The following SDCCAG8 variants were observed in gnomAD, a reference collection of about 807,000 sequenced individuals.
SDCCAG8 encodes SHH signaling and ciliogenesis regulator SDCCAG8.
Under a neutral mutation model 101.8 loss-of-function variants are expected in SDCCAG8, and 74 were observed. The observed-to-expected ratio is 0.73, with a 90% CI of 0.60 to 0.88. SDCCAG8 has a LOEUF of 0.88. SDCCAG8 is among the 40% of genes least tolerant of loss of function. SDCCAG8 has a pLI of 0.00. For synonymous variants in SDCCAG8, 281 were observed against 292.9 expected (o/e 0.96, Z 0.41); for missense variants, 787 against 822.6 (o/e 0.96, Z 0.53).
chr1:243,418,196 GT>G (rs2080739799), intron 15 of SDCCAG8, 120 bp downstream of exon 15: 2 of 712,048 alleles, frequency 2.8e-6, no homozygotes, highest in Non-Finnish European at 4.9e-6. Flanking sequence ...ATCTGCTGAT[GT>G]TTTCTTTGAA....
chr1:243,326,371 A>T (rs1340812791), intron 9 of SDCCAG8, among the ~76,000 whole-genome samples: 1 of 152,222 alleles, frequency 6.6e-6, no homozygotes, highest in East Asian at 1.9e-4. Context: ...TATCCAAATT[A>T]TTCTGTTTCT....
intron 12 of SDCCAG8, among the ~76,000 whole-genome samples, chr1:243,362,899 G>A (rs1016550944): frequency 2.6e-5 from 4 of 152,162 alleles, no homozygotes; most frequent in African/African-American, 7.2e-5. Context: ...CTCATGGCAC[G>A]CATCTGCTGA....
At chr1:243,482,733 C>T (rs748557656) in intron 16 of SDCCAG8, among the ~76,000 whole-genome samples, 2 of 152,192 alleles carry the variant, frequency 1.3e-5, no homozygotes, top group Non-Finnish European at 2.9e-5. Flanking sequence ...GCTTCCTGCC[C>T]CTGATGGGGC....
chr1:243,263,817 T>G (rs763899412), intron 1 of SDCCAG8, among the ~76,000 whole-genome samples: 54 of 152,192 alleles, frequency 3.5e-4, no homozygotes, highest in Non-Finnish European at 5.6e-4. Context: ...ACAATTGTAA[T>G]TGCCTTTCAC....
chr1:243,358,143 GA>G (rs1467129477), intron 12 of SDCCAG8, among the ~76,000 whole-genome samples: 3 of 151,814 alleles, frequency 2.0e-5, no homozygotes, highest in African/African-American at 7.3e-5. Context: ...ACATTATCAA[GA>G]AAAAAGACAA....
At chr1:243,315,014 T>C (rs540085521) in intron 8 of SDCCAG8, among the ~76,000 whole-genome samples, 11 of 152,254 alleles carry the variant, frequency 7.2e-5, no homozygotes, top group African/African-American at 2.4e-4. Flanking sequence ...CTGGCCTTTT[T>C]TGTTCATTCT....
chr1:243,447,268 A>C (rs993915931), intron 16 of SDCCAG8, among the ~76,000 whole-genome samples: 5 of 150,824 alleles, frequency 3.3e-5, no homozygotes, highest in African/African-American at 7.3e-5. Flanking sequence ...AAAAAAAAAA[A>C]AAAAAAAACC....
chr1:243,315,400 ACTT>A (rs2073146975), intron 8 of SDCCAG8, among the ~76,000 whole-genome samples: 1 of 152,204 alleles, frequency 6.6e-6, no homozygotes, highest in African/African-American at 2.4e-5. Context: ...AAAACAATTT[ACTT>A]CTTTTTTCAT....
At chr1:243,320,515 T>G (rs1451504207) in intron 9 of SDCCAG8, among the ~76,000 whole-genome samples, 1 of 152,124 alleles carries the variant, frequency 6.6e-6, no homozygotes, top group Non-Finnish European at 1.5e-5. Flanking sequence ...TGTCTCCCAG[T>G]ACACTCAGCT....
At chr1:243,379,289 ACTGAT>A (rs750887199) in intron 13 of SDCCAG8, among the ~76,000 whole-genome samples, 19 of 152,214 alleles carry the variant, frequency 1.2e-4, no homozygotes, top group Non-Finnish European at 2.6e-4. Context: ...TTGAAATGGA[ACTGAT>A]ACAAAATAAG....
intron 4 of SDCCAG8, among the ~76,000 whole-genome samples, chr1:243,285,976 G>T (rs1426009191): frequency 6.6e-6 from 1 of 151,920 alleles, no homozygotes; most frequent in Non-Finnish European, 1.5e-5. Context: ...AAATCTCTTG[G>T]ATAACCCTTT....
intron 1 of SDCCAG8, among the ~76,000 whole-genome samples, chr1:243,258,447 C>G (rs1201869847): frequency 6.6e-6 from 1 of 152,174 alleles, no homozygotes; most frequent in Non-Finnish European, 1.5e-5. Flanking sequence ...CTCTGTCATC[C>G]AGGCTGAAAT....
At chr1:243,381,263 C>T (rs1422352178) in intron 13 of SDCCAG8, among the ~76,000 whole-genome samples, 1 of 152,082 alleles carries the variant, frequency 6.6e-6, no homozygotes, top group East Asian at 1.9e-4. Flanking sequence ...TAGCCTACCA[C>T]TTTTTTGGTG....
intron 16 of SDCCAG8, among the ~76,000 whole-genome samples, chr1:243,473,148 A>T (rs1661589325): frequency 6.6e-6 from 1 of 152,186 alleles, no homozygotes; most frequent in Admixed American, 6.5e-5. Context: ...ACCAATTGGA[A>T]GAAATCCCTA....
chr1:243,269,371 C>T (rs1404894155), intron 1 of SDCCAG8, among the ~76,000 whole-genome samples: 4 of 147,852 alleles, frequency 2.7e-5, no homozygotes, highest in East Asian at 2.0e-4. Context: ...GGTGCGATCT[C>T]GGCTCGCTGC....
intron 16 of SDCCAG8, among the ~76,000 whole-genome samples, chr1:243,486,421 C>T (rs1344426019): frequency 6.6e-6 from 1 of 152,104 alleles, no homozygotes; most frequent in Non-Finnish European, 1.5e-5. Context: ...TTGTGGGGCT[C>T]ACACCCAGGC....
rs1573871969 is a variant in SDCCAG8, at chr1:243,407,492, G to A, written c.1617-8210G>A. 1.3e-5 allele frequency among the ~76,000 whole-genome samples: 2 copies of A among 152,326 alleles called. 1 individual carries two copies. Among genetic ancestry groups the A allele is most frequent in the East Asian group, 3.9e-4 (2 of 5,192 alleles). ...TGCGCTAGTAACTGGAGTTGATAGA[G>A]TCTGTGGTTTTGTTTTAAAAGTAGA... On this transcript the variant is annotated intron_variant, in intron 13 of 17. Coordinates refer to ENST00000366541, the MANE Select transcript of SDCCAG8 (RefSeq NM_006642.5).
intron 16 of SDCCAG8, among the ~76,000 whole-genome samples, chr1:243,439,507 C>G (rs1043666382): frequency 6.6e-6 from 1 of 151,976 alleles, no homozygotes; most frequent in Non-Finnish European, 1.5e-5. Flanking sequence ...TGCCTGTAAT[C>G]CCATCTACTC....
chr1:243,262,983 A>C (rs1000307317), intron 1 of SDCCAG8, among the ~76,000 whole-genome samples: 1 of 152,226 alleles, frequency 6.6e-6, no homozygotes, highest in African/African-American at 2.4e-5. Flanking sequence ...GATAGATATA[A>C]CACCTATTCC....
Sources: allele counts gnomAD v4.1 joint callset (sites outside exome capture counted in the v4.1 genomes callset), GRCh38; gene constraint gnomAD v4.1.1; transcripts MANE v1.5; gene names NCBI Gene and HGNC (gene_info 2026-07-23, HGNC 2026-07-21).